The following ACAA1 variants were observed in gnomAD, a reference collection of about 807,000 sequenced individuals.
ACAA1 encodes 3-ketoacyl-CoA thiolase, peroxisomal.
A neutral mutation model predicts 48.8 loss-of-function variants in ACAA1; 44 were observed. The ratio of observed to expected loss-of-function variants is 0.90; its 90% CI spans 0.71 to 1.16. ACAA1 has a LOEUF of 1.16. Ranked by LOEUF, ACAA1 falls within the 50% of genes most tolerant of loss-of-function variation. The probability of loss-of-function intolerance (pLI) is 0.00; values close to 1 mark genes in which losing one functional copy is unlikely to be tolerated. For synonymous variants in ACAA1, 233 were observed against 226.5 expected (o/e 1.03, Z -0.26); for missense variants, 512 against 562.3 (o/e 0.91, Z 0.90).
Position 38,126,185 on chromosome 3 carries a change from A to C in ACAA1, c.974T>G (p.Ile325Ser), listed in dbSNP as rs1700678373. 1 of 1,614,010 alleles carries C rather than the reference A, an allele frequency of 6.2e-7. No homozygotes were observed. Among genetic ancestry groups the C allele is most frequent in the African/African-American group, 1.3e-5 (1 of 75,018 alleles). ...ACCTGCTTTTTGCAAAGCTACTGGG[A>C]TGGCATAGGCAGGTCCAATGCCCAT... is the stretch of plus-strand genomic sequence containing the variant. ...DIMGIGPAYA[I>S]PVALQKAGLT... The change falls in exon 9 of 12, where the codon ATC becomes AGC. Residue 325 changes from isoleucine (I) to serine (S), a missense_variant. Ile to Ser is a moderately radical substitution (Grantham distance 142, BLOSUM62 -2). Coordinates refer to ENST00000333167, the MANE Select transcript of ACAA1 (RefSeq NM_001607.4). The surrounding 1 kb of genome is among the most constrained non-coding windows in gnomAD (Gnocchi z 4.7).
chr3:38,122,893 TC>T lies in ACAA1; in HGVS notation c.*153del, dbSNP rs2125759980. ...CACTCCTATACCATGTCATCAGTGT[TC>T]ACATTTTCCAAATGAGTTGAAGTGC... On this transcript the variant is annotated 3_prime_UTR_variant, in exon 12 of 12. Transcript: ENST00000333167. 1.2e-6 allele frequency: 1 copy of T among 825,436 alleles called. No homozygotes were observed. Among genetic ancestry groups the T allele is most frequent in the South Asian group, 1.7e-5 (1 of 59,848 alleles). The allele number at this position is 825,436 out of a possible 1,614,324, so 51.1% of individuals were successfully genotyped here.
chr3:38,128,002 C>T lies in ACAA1; in HGVS notation c.546-136G>A, dbSNP rs1700712888. On this transcript the variant is annotated intron_variant, in intron 6 of 11. Coordinates refer to ENST00000333167, the MANE Select transcript of ACAA1 (RefSeq NM_001607.4). ...AGGATGTAAGGGCCAGTCCATGCCA[C>T]AGACAGTAGTGATGACTCAGGATAT... 9.0e-6 allele frequency: 7 copies of T among 780,464 alleles called. No homozygotes were observed. In the Admixed American group the frequency reaches 1.0e-4, roughly 11 times the overall value. 48.3% of individuals were successfully genotyped at this position (780,464 alleles called of 1,614,324 possible).
chr3:38,131,437 G>C lies in ACAA1; in HGVS notation c.446+159C>G, dbSNP rs28437859. ...GAGTGATTCCTGAGCAGCCAGAGTT[G>C]GTAGCCACTCTTAACCTGCATTTGT... is the stretch of plus-strand genomic sequence containing the variant. On this transcript the variant is annotated intron_variant, in intron 5 of 11. Transcript: ENST00000333167. Among the ~76,000 whole-genome samples the C allele has an allele frequency of 6.4e-3, 970 of 152,278 alleles. 9 individuals are homozygous for C. The highest frequency in any genetic ancestry group is 0.022 in the African/African-American group (934 of 41,546).
In ACAA1 at chr3:38,132,013, A is replaced by G; in HGVS notation, c.324-8T>C. The G allele has an allele frequency of 6.2e-7, 1 of 1,611,300 alleles. No individual in the cohort carries two copies. Among genetic ancestry groups the G allele is most frequent in the East Asian group, 2.2e-5 (1 of 44,838 alleles). On this transcript the variant is annotated splice_region_variant and splice_polypyrimidine_tract_variant and intron_variant, in intron 3 of 11. Transcript: ENST00000333167. ...ACAGTCTCCGGGATGTCACTGAAAC[A>G]GAAGGTGAGAAAGTAGAATCAGCCC...
At chr3:38,133,202 G>A (rs1700821659) in intron 3 of ACAA1, among the ~76,000 whole-genome samples, 1 of 152,130 alleles carries the variant, frequency 6.6e-6, no homozygotes, top group Non-Finnish European at 1.5e-5. Flanking sequence ...AGCACTTCAA[G>A]GAGACAGAAT....
intron 11 of ACAA1, chr3:38,125,169 G>A (rs541340392): frequency 1.3e-4 from 21 of 163,242 alleles, no homozygotes; most frequent in Middle Eastern, 3.1e-3. Context: ...TGCATACAGC[G>A]GAAAATGCAC....
chr3:38,131,742 C>G, intron 4 of ACAA1, 104 bp from the exon 5 acceptor site: 7 of 1,402,620 alleles, frequency 5.0e-6, no homozygotes, highest in Non-Finnish European at 7.1e-6. Flanking sequence ...TCAGCCCCAG[C>G]CTCAGAAATG....
At position 38,126,294 on chromosome 3, in the gene ACAA1, G is replaced by A. The variant is rs778562097; in HGVS notation, c.865C>T (p.Arg289Trp). 40 of 1,614,118 alleles carry A rather than the reference G, an allele frequency of 2.5e-5. 1 individual carries two copies. Among genetic ancestry groups the A allele is most frequent in the East Asian group, 2.5e-4 (11 of 44,878 alleles). Residue 289 changes from arginine (R) to tryptophan (W), a missense_variant, in exon 9 of 12, where the codon CGG becomes TGG. By Grantham distance (101) the Arg-to-Trp change is moderately radical. Transcript: ENST00000333167. The surrounding 1 kb of genome is among the most constrained non-coding windows in gnomAD (Gnocchi z 4.7). ...SDGAAAILLA[R>W]RSKAEELGLP... ...CCCAACTCTTCTGCCTTGGACCTCCGGGCCAGCAGGATGGCAGCTGCCCCA... is the reference window on the plus strand; with the variant it reads ...CCCAACTCTTCTGCCTTGGACCTCCAGGCCAGCAGGATGGCAGCTGCCCCA...
rs552619855 is a variant in ACAA1, at chr3:38,136,420, C to T, written c.265+172G>A. ...TCTGCGTCTTATTTCTTTTCTCAGT[C>T]TCTCCTCCCATCTGACGAGAAATAC... On this transcript the variant is annotated intron_variant, in intron 2 of 11. Coordinates refer to ENST00000333167, the MANE Select transcript of ACAA1 (RefSeq NM_001607.4). 1.3e-5 allele frequency among the ~76,000 whole-genome samples: 2 copies of T among 152,308 alleles called. 1 individual carries two copies. The highest frequency in any genetic ancestry group is 4.1e-4 in the South Asian group (2 of 4,822).
In ACAA1 at chr3:38,126,307, G is replaced by A; in HGVS notation, c.852C>T (p.Ala284=). Residue 284 remains alanine (A), a synonymous_variant, in exon 9 of 12, where the codon GCC becomes GCT. Coordinates refer to ENST00000333167, the MANE Select transcript of ACAA1 (RefSeq NM_001607.4). The surrounding 1 kb of genome is among the most constrained non-coding windows in gnomAD (Gnocchi z 4.7). ...NSSQVSDGAA[A]ILLARRSKAE... is the part of the protein sequence containing the mutation. ...CCTTGGACCTCCGGGCCAGCAGGAT[G>A]GCAGCTGCCCCATCACTCACCTGGC... The A allele has an allele frequency of 1.2e-6, 2 of 1,614,122 alleles. No individual in the cohort carries two copies. The highest frequency in any genetic ancestry group is 1.7e-6 in the Non-Finnish European group (2 of 1,179,986).
chr3:38,136,811 C>T, intron 1 of ACAA1, 54 bp downstream of exon 1: 8 of 1,487,026 alleles, frequency 5.4e-6, no homozygotes, highest in Non-Finnish European at 7.1e-6. Flanking sequence ...CGAACCGGAC[C>T]CCAGCCCGCG....
At position 38,123,095 on chromosome 3, in the gene ACAA1, G is replaced by A. The variant is rs371549731; in HGVS notation, c.1227C>T (p.Ile409=). ...CGGCAGCGGCTCCCATTCCAGTCCC[G>A]ATGCACATGGACACCACTCCGTATG... ...KRAYGVVSMC[I]GTGMGAAAVF... is the part of the protein sequence containing the mutation. Residue 409 remains isoleucine, a synonymous_variant, in exon 12 of 12, where the codon ATC becomes ATT. Coordinates refer to ENST00000333167, the MANE Select transcript of ACAA1 (RefSeq NM_001607.4). 12 of 1,614,164 alleles carry A rather than the reference G, an allele frequency of 7.4e-6. No homozygotes were observed. Among genetic ancestry groups the A allele is most frequent in the African/African-American group, 5.3e-5 (4 of 75,050 alleles).
At chr3:38,134,065 T>G in intron 2 of ACAA1, 56 bp from the exon 3 acceptor site, 1 of 1,538,998 alleles carries the variant, frequency 6.5e-7, no homozygotes. Flanking sequence ...GGCACTAAAG[T>G]ATAGCTGTGA....
In ACAA1 at chr3:38,123,076, C is replaced by T. The variant is rs771165029; in HGVS notation, c.1246G>A (p.Ala416Thr). 1.6e-5 allele frequency: 26 copies of T among 1,614,022 alleles called. No homozygotes were observed. In the Admixed American group the frequency reaches 2.5e-4, roughly 16 times the overall value. Reference sequence around the variant, plus strand: ...TTCCCAGGGTATTCAAAGACGGCAGCGGCTCCCATTCCAGTCCCGATGCAC... The same window carrying T: ...TTCCCAGGGTATTCAAAGACGGCAGTGGCTCCCATTCCAGTCCCGATGCAC... ...SMCIGTGMGA[A>T]AVFEYPGN The change falls in exon 12 of 12, where the codon GCT (alanine) becomes ACT (threonine). Residue 416 changes from alanine (A) to threonine (T), a missense_variant. Transcript: ENST00000333167.
At position 38,125,825 on chromosome 3, in the gene ACAA1, C is replaced by T. The variant is rs1484805637; in HGVS notation, c.1053+1G>A. On this transcript the variant is annotated splice_donor_variant, in intron 10 of 11. Transcript: ENST00000333167. LOFTEE classifies it high-confidence loss of function. Reference sequence around the variant, plus strand: ...GGCAACATTGAGAAACAAGGGCTCACCTGGCTTGCAAAGGCCTCATTGATC... The same window carrying T: ...GGCAACATTGAGAAACAAGGGCTCATCTGGCTTGCAAAGGCCTCATTGATC... 2.5e-6 allele frequency: 4 copies of T among 1,614,114 alleles called. No homozygotes were observed. The highest frequency in any genetic ancestry group is 3.4e-6 in the Non-Finnish European group (4 of 1,180,042).
chr3:38,134,502 T>C (rs1414131971), intron 2 of ACAA1: 3 of 457,286 alleles, frequency 6.6e-6, no homozygotes, highest in African/African-American at 4.0e-5. Context: ...AAAGATCAGA[T>C]TGTTACCGTG....
intron 2 of ACAA1, 94 bp downstream of exon 2, chr3:38,136,498 C>A (rs1256367214): frequency 7.2e-7 from 1 of 1,381,192 alleles, no homozygotes; most frequent in Non-Finnish European, 1.0e-6. Flanking sequence ...ATGGAGGTTC[C>A]CCCAGTGAAA....
rs1371519954 is a variant in ACAA1 at position 38,131,580 on chromosome 3, A to G, written c.446+16T>C. The G allele has an allele frequency of 6.2e-7, 1 of 1,613,874 alleles. No homozygotes were observed. Among genetic ancestry groups the G allele is most frequent in the East Asian group, 2.2e-5 (1 of 44,904 alleles). On this transcript the variant is annotated intron_variant, in intron 5 of 11. Transcript: ENST00000333167. ...CACAAGTTGGTTAATAAGCTCCGGC[A>G]GAAAAAAATTCTTACCCACAGGCCA...
Position 38,123,002 on chromosome 3 carries a change from G to A in ACAA1, c.*45C>T, listed in dbSNP as rs778096621. ...TTGTGGTGTTACTGCCTTGCTGCTA[G>A]AGCAGCAGGACTGTCTGCGTAGCGC... On this transcript the variant is annotated 3_prime_UTR_variant, in exon 12 of 12. Coordinates refer to ENST00000333167, the MANE Select transcript of ACAA1 (RefSeq NM_001607.4). 6.4e-7 allele frequency: 1 copy of A among 1,571,652 alleles called. No individual in the cohort carries two copies. Among genetic ancestry groups the A allele is most frequent in the Non-Finnish European group, 8.8e-7 (1 of 1,142,632 alleles).
Sources: gnomAD v4.1 joint callset for allele counts (sites outside exome capture counted in the v4.1 genomes callset) on GRCh38, gnomAD v4.1.1 for gene constraint, Gnocchi (gnomAD v3.1) non-coding constraint, MANE v1.5 for transcripts, NCBI Gene and HGNC (gene_info 2026-07-23, HGNC 2026-07-21) for gene names.